TENM4: variants seen among roughly 807,000 people sequenced by gnomAD.
TENM4 encodes the protein teneurin-4.
A neutral mutation model predicts 243.3 loss-of-function variants in TENM4; 82 were observed. The ratio of observed to expected loss-of-function variants is 0.34; its 90% CI spans 0.28 to 0.40. The LOEUF is 0.40. Among genes scored for constraint, TENM4 ranks in the 10% least tolerant of loss-of-function variants. TENM4 has a pLI of 1.00. For missense variants in TENM4, 3,138 were observed against 3,673.3 expected (o/e 0.85, Z 3.77); for synonymous variants, 1,412 against 1,456.3 (o/e 0.97, Z 0.69).
At chr11:79,095,131 G>A (rs1861048080) in intron 4 of TENM4, among the ~76,000 whole-genome samples, 1 of 152,128 alleles carries the variant, frequency 6.6e-6, no homozygotes, top group Non-Finnish European at 1.5e-5. Flanking sequence ...GCCCCTCTTG[G>A]AAATGGGGTC....
At chr11:79,373,271 T>C (rs569970757) in intron 1 of TENM4, among the ~76,000 whole-genome samples, 2 of 151,930 alleles carry the variant, frequency 1.3e-5, no homozygotes, top group East Asian at 3.9e-4. Flanking sequence ...AATAAAGGTG[T>C]AGATGGATGC....
chr11:78,791,871 T>A (rs1467541171), intron 15 of TENM4, among the ~76,000 whole-genome samples: 2 of 152,176 alleles, frequency 1.3e-5, no homozygotes, highest in African/African-American at 4.8e-5. Flanking sequence ...GGCTTTCACA[T>A]GACCAACATC....
intron 2 of TENM4, among the ~76,000 whole-genome samples, chr11:79,222,512 G>A (rs902665121): frequency 2.6e-5 from 4 of 152,220 alleles, no homozygotes; most frequent in Non-Finnish European, 5.9e-5. Flanking sequence ...ATTCCTTTGG[G>A]TATATACTCA....
chr11:79,074,269 T>C (rs1177521167), intron 4 of TENM4, among the ~76,000 whole-genome samples: 1 of 151,794 alleles, frequency 6.6e-6, no homozygotes, highest in Non-Finnish European at 1.5e-5. Flanking sequence ...AAAGAAGAGG[T>C]TGGGGTGAAA....
At chr11:78,790,712 C>CA (rs1378439465) in intron 15 of TENM4, among the ~76,000 whole-genome samples, 1 of 152,222 alleles carries the variant, frequency 6.6e-6, no homozygotes, top group African/African-American at 2.4e-5. Context: ...AGCCTCAGAA[C>CA]AGGCAAGGAA....
chr11:79,097,578 C>G (rs986032198), intron 4 of TENM4: 1 of 152,126 alleles, frequency 6.6e-6, no homozygotes. Context: ...TATTTTTGTT[C>G]TCTTCAAAAT....
intron 4 of TENM4, among the ~76,000 whole-genome samples, chr11:79,091,551 T>C (rs1005191406): frequency 6.6e-6 from 1 of 152,190 alleles, no homozygotes; most frequent in African/African-American, 2.4e-5. Context: ...GGTTCTCTAC[T>C]GCCTAAAGTC....
In TENM4 at chr11:78,672,096, C is replaced by G; in HGVS notation, c.5730G>C (p.Ala1910=). Residue 1910 remains alanine, a synonymous_variant, in exon 31 of 34, where the codon GCG becomes GCC. Coordinates refer to ENST00000278550, the MANE Select transcript of TENM4 (RefSeq NM_001098816.3). ...IMSERMEYDQ[A]GRITSRIFAD... ...CGAAGATCCTGGATGTGATGCGGCC[C>G]GCCTGGTCGTATTCCATTCTTTCAG... 6.2e-7 allele frequency: 1 copy of G among 1,614,006 alleles called. No individual in the cohort carries two copies.
chr11:78,669,024 T>A lies in TENM4; in HGVS notation c.7321A>T (p.Ser2441Cys). 2 of 1,613,958 alleles carry A rather than the reference T, an allele frequency of 1.2e-6. No homozygotes were observed. Among genetic ancestry groups the A allele is most frequent in the Non-Finnish European group, 1.7e-6 (2 of 1,179,870 alleles). ...AGATTAAAAGGCATGACGTTGCTGC[T>A]ACTAAGGTGCTTCCACAGCTCGTGG... ...PDHELWKHLS[S>C]SNVMPFNLYM... The change falls in exon 32 of 34, where the codon AGC becomes TGC. Residue 2441 changes from serine (S) to cysteine (C), a missense_variant. Physicochemically the swap from Ser to Cys is moderately radical, Grantham distance 112. Around this residue, in one of 2 missense-constraint regions of TENM4, gnomAD observed 2,467 missense variants for 3,059.1 expected, o/e 0.81. Coordinates refer to ENST00000278550, the MANE Select transcript of TENM4 (RefSeq NM_001098816.3). This position sits in a 1 kb window ranked among gnomAD's most constrained non-coding sequence, Gnocchi z 6.4.
intron 4 of TENM4, among the ~76,000 whole-genome samples, chr11:79,117,963 G>A (rs756286411): frequency 6.6e-6 from 1 of 152,174 alleles, no homozygotes; most frequent in African/African-American, 2.4e-5. Context: ...GTTATGAAAA[G>A]GCTTGGCAAA....
At chr11:79,130,939 T>C (rs1861991054) in intron 4 of TENM4, among the ~76,000 whole-genome samples, 1 of 152,138 alleles carries the variant, frequency 6.6e-6, no homozygotes, top group African/African-American at 2.4e-5. Context: ...ATTCAGAGCA[T>C]GAAGACAAGG....
intron 18 of TENM4, among the ~76,000 whole-genome samples, chr11:78,760,824 A>T (rs935994817): frequency 6.6e-6 from 1 of 152,130 alleles, no homozygotes; most frequent in Non-Finnish European, 1.5e-5. Flanking sequence ...TCCGCGTTCT[A>T]TCCTGATTTG....
chr11:78,945,762 G>T (rs1028305670), intron 6 of TENM4, among the ~76,000 whole-genome samples: 33 of 152,094 alleles, frequency 2.2e-4, no homozygotes, highest in African/African-American at 8.0e-4. Flanking sequence ...CCTTTTTGCT[G>T]TTTTATGTTT....
At chr11:78,687,916 T>C (rs968681588) in intron 29 of TENM4, 138 bp downstream of exon 29, 4 of 988,178 alleles carry the variant, frequency 4.0e-6, no homozygotes, top group South Asian at 1.8e-5. Context: ...TTTTGCAAAT[T>C]AGGTGATAAT....
At chr11:79,109,495 A>G (rs1247225593) in intron 4 of TENM4, among the ~76,000 whole-genome samples, 3 of 152,104 alleles carry the variant, frequency 2.0e-5, no homozygotes, top group Admixed American at 6.5e-5. Context: ...CAGGAGACAG[A>G]TAGAAGTGAG....
intron 3 of TENM4, among the ~76,000 whole-genome samples, chr11:79,179,414 A>C (rs1863238032): frequency 6.6e-6 from 1 of 152,228 alleles, no homozygotes; most frequent in Non-Finnish European, 1.5e-5. Context: ...GTTGTGACAG[A>C]GTCCCAACAA....
rs554303634 is a variant in TENM4, at chr11:79,233,675, C to T, written c.-264-17766G>A. On this transcript the variant is annotated intron_variant, in intron 2 of 33. Coordinates refer to ENST00000278550, the MANE Select transcript of TENM4 (RefSeq NM_001098816.3). ...GGGGCTGTGAATGGGGAGAGGAGAT[C>T]GCCAGTTGGGGTAGAAGCAGGCCTG... 2.6e-5 allele frequency among the ~76,000 whole-genome samples: 4 copies of T among 152,098 alleles called. No individual in the cohort carries two copies. In the East Asian group the frequency reaches 5.8e-4, roughly 22 times the overall value.
intron 25 of TENM4, among the ~76,000 whole-genome samples, chr11:78,713,913 G>A (rs953710568): frequency 6.6e-6 from 1 of 152,076 alleles, no homozygotes; most frequent in South Asian, 2.1e-4. Context: ...CCTGTGCATG[G>A]TCTGAACATT....
intron 3 of TENM4, among the ~76,000 whole-genome samples, chr11:79,195,194 G>A (rs1438551283): frequency 6.6e-6 from 1 of 152,240 alleles, no homozygotes; most frequent in Non-Finnish European, 1.5e-5. Context: ...GGATGCTGAG[G>A]CAAAAGTCTG....
Sources: gnomAD v4.1 joint callset for allele counts (sites outside exome capture counted in the v4.1 genomes callset) on GRCh38, gnomAD v4.1.1 for gene constraint, gnomAD v4.1.1 regional missense constraint, Gnocchi (gnomAD v3.1) non-coding constraint, MANE v1.5 for transcripts, NCBI Gene and HGNC (gene_info 2026-07-23, HGNC 2026-07-21) for gene names.